The following NLRP2 variants were observed in gnomAD, a reference collection of about 807,000 sequenced individuals.
The protein encoded by NLRP2 is NACHT, LRR and PYD domains-containing protein 2.
NLRP2 carries 107 observed loss-of-function variants against 97.2 expected under a neutral mutation model. The ratio of observed to expected loss-of-function variants is 1.10; its 90% CI spans 0.94 to 1.29. The LOEUF is 1.29. NLRP2 is among the 50% of genes most tolerant of loss of function. The pLI is 0.00. For missense variants in NLRP2, 1,495 were observed against 1,330.3 expected (o/e 1.12, Z -1.93); for synonymous variants, 663 against 551.5 (o/e 1.20, Z -2.83).
At chr19:54,993,944 T>C in intron 10 of NLRP2, 2 of 444,532 alleles carry the variant, frequency 4.5e-6, no homozygotes, top group Non-Finnish European at 4.1e-6. Flanking sequence ...CCTTATCACG[T>C]CACCTCCTGC....
intron 7 of NLRP2, 74 bp from the exon 8 acceptor site, chr19:54,986,077 G>A (rs2072053917): frequency 9.4e-6 from 9 of 952,756 alleles, no homozygotes; most frequent in South Asian, 4.0e-5. Flanking sequence ...TAAATATATC[G>A]AGCCCCTGGT....
rs966185020 is a variant in NLRP2 at position 54,970,774 on chromosome 19, T to C, written c.280+479T>C. On this transcript the variant is annotated intron_variant, in intron 2 of 12. Transcript: ENST00000448584. ...GTCCTTATTTTCTACCTACTTCTTTTTTTTTTTTTTTTTGTCCTTTTATTT... is the reference window on the plus strand; with the variant it reads ...GTCCTTATTTTCTACCTACTTCTTTCTTTTTTTTTTTTTGTCCTTTTATTT... Among the ~76,000 whole-genome samples the C allele has an allele frequency of 5.5e-4, 81 of 148,560 alleles. 1 individual carries two copies. Among genetic ancestry groups the C allele is most frequent in the African/African-American group, 1.9e-3 (79 of 40,996 alleles).
Position 54,982,695 on chromosome 19 carries a change from C to A in NLRP2, c.997C>A (p.Leu333Met). Residue 333 changes from leucine to methionine, a missense_variant, in exon 6 of 13, where the codon CTG (leucine) becomes ATG (methionine). Leu to Met is a conservative substitution (Grantham distance 15). Coordinates refer to ENST00000448584, the MANE Select transcript of NLRP2 (RefSeq NM_017852.5). ...NRVMLPKAAL[L>M]VTTRPRALRD... ...GGTGATGTTACCCAAGGCCGCCCTG[C>A]TGGTCACCACGCGGCCCAGGGCCCT... 3.7e-6 allele frequency: 6 copies of A among 1,614,080 alleles called. No individual in the cohort carries two copies. The highest frequency in any genetic ancestry group is 5.1e-6 in the Non-Finnish European group (6 of 1,179,970).
At chr19:54,968,539 T>C (rs2070627562) in intron 1 of NLRP2, among the ~76,000 whole-genome samples, 1 of 150,930 alleles carries the variant, frequency 6.6e-6, no homozygotes, top group Non-Finnish European at 1.5e-5. Context: ...TTTTGCCATG[T>C]TGCCCAGGCT....
intron 1 of NLRP2, among the ~76,000 whole-genome samples, chr19:54,966,905 G>A (rs1187957044): frequency 4.1e-5 from 6 of 144,878 alleles, no homozygotes; most frequent in Non-Finnish European, 7.5e-5. Context: ...GCTGTGGCAG[G>A]ATCTCGGCTC....
At chr19:54,997,139 AGGT>A (rs2146551325) in intron 11 of NLRP2, among the ~76,000 whole-genome samples, 175 bp from the exon 12 acceptor site, 1 of 152,270 alleles carries the variant, frequency 6.6e-6, no homozygotes, top group South Asian at 2.1e-4. Flanking sequence ...CCTTGACCTC[AGGT>A]GATCCATCCA....
intron 8 of NLRP2, among the ~76,000 whole-genome samples, chr19:54,986,986 G>T (rs1047565021): frequency 6.6e-6 from 1 of 151,996 alleles, no homozygotes; most frequent in Non-Finnish European, 1.5e-5. Flanking sequence ...CCAGGTTCAA[G>T]TGATTCTCCT....
At chr19:54,990,375 C>G in intron 9 of NLRP2, 127 bp from the exon 10 acceptor site, 1 of 1,115,944 alleles carries the variant, frequency 9.0e-7, no homozygotes, top group Non-Finnish European at 1.4e-6. Flanking sequence ...TTCATAGGAT[C>G]ACCAGTGCAT....
At chr19:54,986,541 C>T in intron 8 of NLRP2, 1 of 579,862 alleles carries the variant, frequency 1.7e-6, no homozygotes, top group African/African-American at 1.9e-5. Context: ...AAGAAACTCC[C>T]AGAATCTTTA....
rs775007668 is a variant in NLRP2, at chr19:55,000,872, CCTT to C, written c.3169_3171del (p.Ser1057del). 139 of 1,613,696 alleles carry C rather than the reference CCTT, an allele frequency of 8.6e-5. No individual in the cohort carries two copies. The highest frequency in any genetic ancestry group is 6.7e-4 in the South Asian group (61 of 91,068). ...GAAACATCATCCCTGGGCAGAAAGG[CCTT>C]CTTCTCATGACTTCATGATCTGAAT... On this transcript the variant is annotated inframe_deletion, in exon 13 of 13. Coordinates refer to ENST00000448584, the MANE Select transcript of NLRP2 (RefSeq NM_017852.5).
At chr19:54,985,323 G>A (rs919287243) in intron 7 of NLRP2, 106 bp downstream of exon 7, 21 of 1,044,200 alleles carry the variant, frequency 2.0e-5, no homozygotes, top group African/African-American at 9.4e-5. Flanking sequence ...TTAAGTGCTC[G>A]AGACACAGGG....
At chr19:54,997,267 CATCG>C (rs767928334) in intron 11 of NLRP2, 46 bp from the exon 12 acceptor site, 24 of 1,594,096 alleles carry the variant, frequency 1.5e-5, no homozygotes, top group Non-Finnish European at 1.5e-5. Context: ...TGCCGGAGGG[CATCG>C]ATCAGCACTG....
At chr19:54,976,243 T>TG (rs1361896719) in intron 3 of NLRP2, among the ~76,000 whole-genome samples, 2 of 150,952 alleles carry the variant, frequency 1.3e-5, no homozygotes, top group African/African-American at 4.9e-5. Context: ...TTAGTAGAGA[T>TG]GGGGTTTCAC....
At chr19:54,997,886 G>A (rs1320952950) in intron 12 of NLRP2, among the ~76,000 whole-genome samples, 2 of 150,474 alleles carry the variant, frequency 1.3e-5, no homozygotes, top group East Asian at 3.9e-4. Flanking sequence ...CAGTTCCTGA[G>A]TAGGTAGGTT....
At chr19:54,975,596 C>T (rs1050031348) in intron 3 of NLRP2, among the ~76,000 whole-genome samples, 3 of 149,768 alleles carry the variant, frequency 2.0e-5, no homozygotes, top group Non-Finnish European at 4.4e-5. Context: ...GGACTACAGG[C>T]GCCCACCACC....
rs144845306 is a variant in NLRP2, at chr19:54,991,212, T to G, written c.2708+540T>G. 4.2e-3 allele frequency: 718 copies of G among 169,378 alleles called. 2 individuals carry two copies. The highest frequency in any genetic ancestry group is 7.2e-3 in the Non-Finnish European group (558 of 77,698). 10.5% of individuals were successfully genotyped at this position (169,378 alleles called of 1,614,324 possible). A position where few individuals can be genotyped will look rare whatever the true frequency, so the allele number is the denominator to read the frequency against. ...CGCTCAGACTCCCAATGGAAGCTATTGGAAGCTACATGCTCAATGTGATCC... is the reference window on the plus strand; with the variant it reads ...CGCTCAGACTCCCAATGGAAGCTATGGGAAGCTACATGCTCAATGTGATCC... On this transcript the variant is annotated intron_variant, in intron 10 of 12. Transcript: ENST00000448584.
In NLRP2 at chr19:54,974,508, T is replaced by C. The variant is rs1324183993; in HGVS notation, c.289T>C (p.Leu97=). The C allele has an allele frequency of 1.4e-5, 23 of 1,611,374 alleles. No homozygotes were observed. The highest frequency in any genetic ancestry group is 1.9e-5 in the Non-Finnish European group (22 of 1,177,618). Residue 97 remains leucine (L), a synonymous_variant, in exon 3 of 13, where the codon TTG becomes CTG. Coordinates refer to ENST00000448584, the MANE Select transcript of NLRP2 (RefSeq NM_017852.5). ...CCCTTCTCCTTTTTCAGAAGCAGCT[T>C]TGAAATCCTTTAATAAAAGGAAGCC... The part of the protein sequence containing the change: ...RAKDEVREAA[L]KSFNKRKPLS...
chr19:54,966,699 C>T (rs2070443654), intron 1 of NLRP2, among the ~76,000 whole-genome samples: 1 of 151,768 alleles, frequency 6.6e-6, no homozygotes. Context: ...GCACCTGCCA[C>T]TATGCCCAGC....
chr19:54,970,032 A>C lies in NLRP2; in HGVS notation c.17A>C (p.Gln6Pro). 2 of 1,613,878 alleles carry C rather than the reference A, an allele frequency of 1.2e-6. No homozygotes were observed. The highest frequency in any genetic ancestry group is 2.2e-5 in the South Asian group (2 of 91,074). Reference protein sequence around the residue: MVSSAQMGFNLQALLE... With the variant: MVSSAPMGFNLQALLE... ...TGGGACAAGATGGTGTCTTCGGCGC[A>C]GATGGGCTTCAACCTGCAGGCTCTC... is the stretch of plus-strand genomic sequence containing the variant. The change falls in exon 2 of 13, where the codon CAG becomes CCG. Residue 6 changes from glutamine to proline, a missense_variant. By Grantham distance (76) the Gln-to-Pro change is moderately conservative (BLOSUM62 -1). Transcript: ENST00000448584.
Sources: allele counts gnomAD v4.1 joint callset (sites outside exome capture counted in the v4.1 genomes callset), GRCh38; gene constraint gnomAD v4.1.1; transcripts MANE v1.5; gene names NCBI Gene and HGNC (gene_info 2026-07-23, HGNC 2026-07-21).